COG5: variants seen among roughly 807,000 people sequenced by gnomAD.
COG5 encodes component of oligomeric golgi complex 5.
Under a neutral mutation model 110.4 loss-of-function variants are expected in COG5, and 86 were observed. The ratio of observed to expected loss-of-function variants is 0.78; its 90% CI spans 0.65 to 0.93. COG5 has a LOEUF of 0.93. Ranked by LOEUF, COG5 falls within the 40% of genes least tolerant of loss-of-function variation. COG5 has a pLI of 0.00. For synonymous variants in COG5, 360 were observed against 334.6 expected, an observed-to-expected ratio of 1.08 and a Z score of -0.83; for missense variants, 1,077 against 987.0, an observed-to-expected ratio of 1.09 and a Z score of -1.22.
chr7:107,467,031 A>T (rs1035678217), intron 6 of COG5, among the ~76,000 whole-genome samples: 2 of 152,236 alleles, frequency 1.3e-5, no homozygotes, highest in Admixed American at 6.5e-5. Flanking sequence ...ATATACAATA[A>T]ATTACTCTGT....
rs1057305902 is a variant in COG5, at chr7:107,202,861, T to C, written c.*655A>G. 3 of 152,310 alleles carry C rather than the reference T, an allele frequency of 2.0e-5. No individual in the cohort carries two copies. The highest frequency in any genetic ancestry group is 4.4e-5 in the Non-Finnish European group (3 of 68,142). The allele number at this position is 152,310 out of a possible 1,614,324, so 9.4% of individuals were successfully genotyped here. A position where few individuals can be genotyped will look rare whatever the true frequency, so the allele number is the denominator to read the frequency against. ...ACAAAGTGTAACAAAAGCCTTGCTT[T>C]ATTTAAAGATCCAGTATGACATACT... On this transcript the variant is annotated 3_prime_UTR_variant, in exon 22 of 22. Transcript: ENST00000297135.
intron 6 of COG5, among the ~76,000 whole-genome samples, chr7:107,424,680 AT>A (rs1462690637): frequency 6.6e-6 from 1 of 152,210 alleles, no homozygotes; most frequent in African/African-American, 2.4e-5. Flanking sequence ...TTAGCACTGT[AT>A]AAAGACGGAA....
intron 7 of COG5, among the ~76,000 whole-genome samples, chr7:107,391,545 G>A (rs1790625425): frequency 6.6e-6 from 1 of 152,112 alleles, no homozygotes; most frequent in Non-Finnish European, 1.5e-5. Flanking sequence ...TCATATCTAA[G>A]AAATCACTGC....
chr7:107,280,797 C>T (rs181982688), intron 14 of COG5, among the ~76,000 whole-genome samples: 2 of 151,798 alleles, frequency 1.3e-5, no homozygotes, highest in African/African-American at 4.8e-5. Flanking sequence ...GGTTAAATTC[C>T]CAGGTTCTAG....
chr7:107,282,323 T>G (rs1805235035), intron 13 of COG5, among the ~76,000 whole-genome samples: 1 of 152,180 alleles, frequency 6.6e-6, no homozygotes. Context: ...CATTGTCAAG[T>G]TGCACAGAGG....
chr7:107,545,663 C>A (rs1041330911), intron 5 of COG5, among the ~76,000 whole-genome samples: 14 of 151,548 alleles, frequency 9.2e-5, no homozygotes, highest in Non-Finnish European at 1.5e-5. Flanking sequence ...ACCTGTAATC[C>A]CAGCTACTCG....
chr7:107,447,682 T>C (rs944382316), intron 6 of COG5, among the ~76,000 whole-genome samples: 1 of 152,224 alleles, frequency 6.6e-6, no homozygotes, highest in Non-Finnish European at 1.5e-5. Flanking sequence ...ATCTATAAGA[T>C]GAAACTCCAG....
intron 3 of COG5, among the ~76,000 whole-genome samples, chr7:107,549,760 C>T (rs2129174304): frequency 6.6e-6 from 1 of 152,062 alleles, no homozygotes; most frequent in Non-Finnish European, 1.5e-5. Context: ...ATTAGTTGTT[C>T]CCACTTCTCC....
chr7:107,214,451 G>C (rs1223156297), intron 19 of COG5, among the ~76,000 whole-genome samples: 1 of 152,162 alleles, frequency 6.6e-6, no homozygotes. Flanking sequence ...CCTGCCTATT[G>C]AAATTGCTAA....
chr7:107,298,852 T>C (rs781368039), intron 11 of COG5, among the ~76,000 whole-genome samples: 11 of 152,184 alleles, frequency 7.2e-5, no homozygotes, highest in South Asian at 2.1e-4. Context: ...CTAACCAAAA[T>C]AGTTTTAGAT....
intron 6 of COG5, among the ~76,000 whole-genome samples, chr7:107,444,525 T>A (rs1190723781): frequency 6.6e-6 from 1 of 152,204 alleles, no homozygotes; most frequent in East Asian, 1.9e-4. Context: ...TTTCACCCCC[T>A]ACTTTATTTA....
chr7:107,298,044 T>C (rs1470246829), intron 12 of COG5, 98 bp downstream of exon 12: 4 of 508,422 alleles, frequency 7.9e-6, no homozygotes, highest in Non-Finnish European at 1.2e-5. Context: ...AGACTTGGTA[T>C]ATACTTAATT....
At chr7:107,374,854 A>T (rs1814495803) in intron 7 of COG5, among the ~76,000 whole-genome samples, 1 of 151,986 alleles carries the variant, frequency 6.6e-6, no homozygotes, top group Non-Finnish European at 1.5e-5. Context: ...TTATGCCAGT[A>T]AAAAAACTGC....
intron 5 of COG5, among the ~76,000 whole-genome samples, chr7:107,529,433 G>A (rs949255903): frequency 1.3e-5 from 2 of 152,226 alleles, no homozygotes; most frequent in Non-Finnish European, 2.9e-5. Flanking sequence ...GCAAATGCCA[G>A]GGAGAAGCAA....
At chr7:107,261,023 G>A (rs1584587483) in intron 14 of COG5, among the ~76,000 whole-genome samples, 2 of 151,512 alleles carry the variant, frequency 1.3e-5, no homozygotes, top group South Asian at 2.1e-4. Context: ...TTCCAGGACC[G>A]TAACACCCAC....
intron 7 of COG5, among the ~76,000 whole-genome samples, chr7:107,392,510 T>C (rs1335419967): frequency 6.6e-6 from 1 of 152,124 alleles, no homozygotes; most frequent in Non-Finnish European, 1.5e-5. Flanking sequence ...TATTTGCAAG[T>C]AACCATTAAT....
At chr7:107,237,468 A>G (rs990677182) in intron 17 of COG5, among the ~76,000 whole-genome samples, 3 of 152,252 alleles carry the variant, frequency 2.0e-5, no homozygotes, top group African/African-American at 7.2e-5. Context: ...ATCTTTTTCA[A>G]AAAGCAAGTT....
At chr7:107,422,351 C>A (rs1793356256) in intron 6 of COG5, among the ~76,000 whole-genome samples, 1 of 152,098 alleles carries the variant, frequency 6.6e-6, no homozygotes, top group African/African-American at 2.4e-5. Flanking sequence ...TGGTGAAACC[C>A]TGTCTCTACT....
rs185425633 is a variant in COG5 at position 107,289,575 on chromosome 7, G to A, written c.1314-5843C>T. Among the ~76,000 whole-genome samples the A allele has an allele frequency of 2.6e-3, 402 of 152,176 alleles. 2 individuals carry two copies. The highest frequency in any genetic ancestry group is 9.4e-3 in the African/African-American group (389 of 41,510). On this transcript the variant is annotated intron_variant, in intron 12 of 21. Transcript: ENST00000297135. ...ATAGTGATAGTTACTGTACTGAATC[G>A]ATATATATCAATTTGGGGGGCATTA... is the stretch of plus-strand genomic sequence containing the variant.
Sources: allele counts gnomAD v4.1 joint callset (sites outside exome capture counted in the v4.1 genomes callset), GRCh38; gene constraint gnomAD v4.1.1; transcripts MANE v1.5; gene names NCBI Gene and HGNC (gene_info 2026-07-23, HGNC 2026-07-21).